The following ADNP2 variants were observed in gnomAD, a reference collection of about 807,000 sequenced individuals.
The protein encoded by ADNP2 is ADNP homeobox 2, also known as activity-dependent neuroprotector homeobox protein 2.
Under a neutral mutation model 16.4 loss-of-function variants are expected in ADNP2, and 8 were observed. The ratio of observed to expected loss-of-function variants is 0.49; its 90% confidence interval spans 0.29 to 0.88. The LOEUF is 0.88. ADNP2 is among the 40% of genes least tolerant of loss of function. The probability of loss-of-function intolerance (pLI) is 0.09; values close to 1 mark genes in which losing one functional copy is unlikely to be tolerated. For synonymous variants in ADNP2, 637 were observed against 545.8 expected (o/e 1.17, Z -2.33); for missense variants, 1,397 against 1,395.1 (o/e 1.00, Z -0.02).
Position 80,138,550 on chromosome 18 carries a change from A to G in ADNP2, c.3137A>G (p.Tyr1046Cys), listed in dbSNP as rs2052559379. 1 of 1,613,448 alleles carries G rather than the reference A, an allele frequency of 6.2e-7. No homozygotes were observed. Among genetic ancestry groups the G allele is most frequent in the Admixed American group, 1.7e-5 (1 of 59,898 alleles). ...ATTTTAGCATTAGATCCTAAAAAAT[A>G]TGAAGGCCGTTCTTATGAAGAAAAG... ...LQILALDPKK[Y>C]EGRSYEEKKQ... Residue 1046 changes from tyrosine (Y) to cysteine (C), a missense_variant, in exon 4 of 4, where the codon TAT (tyrosine) becomes TGT (cysteine). Physicochemically the swap from Tyr to Cys is radical, Grantham distance 194. This residue lies in a region of ADNP2 where 611 missense variants were observed against 648.7 expected (regional missense o/e 0.94). Transcript: ENST00000262198.
At position 80,139,764 on chromosome 18, in the gene ADNP2, T is replaced by C. The variant is rs2052568913; in HGVS notation, c.*955T>C. On this transcript the variant is annotated 3_prime_UTR_variant, in exon 4 of 4. Coordinates refer to ENST00000262198, the MANE Select transcript of ADNP2 (RefSeq NM_014913.4). ...GTGAAAACTAACTTAAATTTCAGCA[T>C]AGGGTTTCAGGGGACATGGCGAAGT... The C allele has an allele frequency of 6.6e-6, 1 of 152,300 alleles. No individual in the cohort carries two copies. Among genetic ancestry groups the C allele is most frequent in the Admixed American group, 6.6e-5 (1 of 15,266 alleles). The allele number at this position is 152,300 out of a possible 1,614,324, so 9.4% of individuals were successfully genotyped here. A position where few individuals can be genotyped will look rare whatever the true frequency, so the allele number is the denominator to read the frequency against.
intron 2 of ADNP2, among the ~76,000 whole-genome samples, chr18:80,119,904 A>G (rs776347493): frequency 1.3e-5 from 2 of 152,154 alleles, no homozygotes; most frequent in African/African-American, 4.8e-5. Flanking sequence ...AGTGCATTCA[A>G]CCACCTCCCC....
At chr18:80,114,425 T>C (rs1338213228) in intron 1 of ADNP2, among the ~76,000 whole-genome samples, 10 of 152,222 alleles carry the variant, frequency 6.6e-5, no homozygotes, top group Non-Finnish European at 1.5e-5. Context: ...TTTTATAGCC[T>C]ACACATTTAA....
In ADNP2 at chr18:80,136,867, G is replaced by T. The variant is rs759759077; in HGVS notation, c.1454G>T (p.Gly485Val). The change falls in exon 4 of 4, where the codon GGA becomes GTA. Residue 485 changes from glycine to valine, a missense_variant. Gly to Val is a moderately radical substitution (Grantham distance 109). This residue lies in a region of ADNP2 where 777 missense variants were observed against 719.4 expected (regional missense o/e 1.08). Coordinates refer to ENST00000262198, the MANE Select transcript of ADNP2 (RefSeq NM_014913.4). ...VLPTGQMVQS[G>V]VLPVGQTAPS... ...CCTACTGGCCAGATGGTCCAGTCAG[G>T]AGTTCTCCCTGTGGGCCAGACAGCT... 1.9e-6 allele frequency: 3 copies of T among 1,614,124 alleles called. No individual in the cohort carries two copies. The highest frequency in any genetic ancestry group is 4.5e-5 in the East Asian group (2 of 44,872).
intron 1 of ADNP2, 83 bp from the exon 2 acceptor site, chr18:80,117,447 T>C (rs1599805683): frequency 2.7e-6 from 2 of 752,288 alleles, no homozygotes; most frequent in East Asian, 6.2e-5. Context: ...CTATTCCTAG[T>C]GTTTTACCAA....
intron 2 of ADNP2, among the ~76,000 whole-genome samples, chr18:80,124,636 A>G (rs1293924861): frequency 6.6e-6 from 1 of 152,054 alleles, no homozygotes; most frequent in Non-Finnish European, 1.5e-5. Context: ...TTATGCAGGC[A>G]TGATTGATTA....
Position 80,136,302 on chromosome 18 carries a change from C to A in ADNP2, c.889C>A (p.Pro297Thr), listed in dbSNP as rs767752020. ...AQPPCFHLAL[P>T]QNSPSPAAGQ... ...GCCTCCTTGCTTCCATCTTGCTTTGCCACAGAACAGTCCAAGCCCAGCCGC... is the reference window on the plus strand; with the variant it reads ...GCCTCCTTGCTTCCATCTTGCTTTGACACAGAACAGTCCAAGCCCAGCCGC... Residue 297 changes from proline to threonine, a missense_variant, in exon 4 of 4, where the codon CCA becomes ACA. By Grantham distance (38) the Pro-to-Thr change is conservative. Around this residue, in one of 3 missense-constraint regions of ADNP2, gnomAD observed 777 missense variants for 719.4 expected, o/e 1.08. Coordinates refer to ENST00000262198, the MANE Select transcript of ADNP2 (RefSeq NM_014913.4). 1.9e-6 allele frequency: 3 copies of A among 1,613,828 alleles called. No individual in the cohort carries two copies. Among genetic ancestry groups the A allele is most frequent in the Non-Finnish European group, 1.7e-6 (2 of 1,179,716 alleles).
At chr18:80,126,063 G>T (rs2052456584) in intron 2 of ADNP2, among the ~76,000 whole-genome samples, 1 of 151,706 alleles carries the variant, frequency 6.6e-6, no homozygotes, top group South Asian at 2.1e-4. Flanking sequence ...TTTTTTACTT[G>T]TCTCATCTGT....
rs560314887 is a variant in ADNP2, at chr18:80,124,103, G to A, written c.108+6453G>A. Among the ~76,000 whole-genome samples the A allele has an allele frequency of 1.7e-3, 253 of 152,262 alleles. 1 individual carries two copies. Among genetic ancestry groups the A allele is most frequent in the African/African-American group, 5.9e-3 (244 of 41,540 alleles). ...TTTTCTCTGTTAGGAAGTTTTTGAT[G>A]AATTCAGTCTCTTGTTACAGAAATT... is the stretch of plus-strand genomic sequence containing the variant. On this transcript the variant is annotated intron_variant, in intron 2 of 3. Transcript: ENST00000262198.
chr18:80,126,324 A>C (rs756000123), intron 2 of ADNP2, among the ~76,000 whole-genome samples: 5 of 151,978 alleles, frequency 3.3e-5, no homozygotes, highest in Non-Finnish European at 7.4e-5. Flanking sequence ...TTTATTTTAA[A>C]CTGTAAAAAA....
Position 80,138,016 on chromosome 18 carries a change from G to A in ADNP2, c.2603G>A (p.Gly868Glu). The A allele has an allele frequency of 6.2e-7, 1 of 1,613,602 alleles. No individual in the cohort carries two copies. The highest frequency in any genetic ancestry group is 1.3e-5 in the African/African-American group (1 of 75,050). ...AGGCCTCAGGCTGAGGGCACCCCCG[G>A]GAGCACCGGCAAGCGAGTGTCCACC... ...KVRPQAEGTP[G>E]STGKRVSTCP... The change falls in exon 4 of 4, where the codon GGG (glycine) becomes GAG (glutamate). Residue 868 changes from glycine (G) to glutamate (E), a missense_variant. Coordinates refer to ENST00000262198, the MANE Select transcript of ADNP2 (RefSeq NM_014913.4).
At chr18:80,111,606 G>A (rs1457763198) in intron 1 of ADNP2, among the ~76,000 whole-genome samples, 1 of 142,362 alleles carries the variant, frequency 7.0e-6, no homozygotes, top group Non-Finnish European at 1.5e-5. Flanking sequence ...TTGCCCTGTC[G>A]CCCAGGCTGG....
Position 80,135,794 on chromosome 18 carries a change from C to G in ADNP2, c.381C>G (p.Phe127Leu). Residue 127 changes from phenylalanine to leucine, a missense_variant, in exon 4 of 4, where the codon TTC (phenylalanine) becomes TTG (leucine). Coordinates refer to ENST00000262198, the MANE Select transcript of ADNP2 (RefSeq NM_014913.4). ...PKVVGRHFRM[F>L]HAPVRKVQNY... ...TTGTGGGAAGGCACTTCAGAATGTT[C>G]CATGCACCTGTCCGGAAAGTCCAGA... is the stretch of plus-strand genomic sequence containing the variant. 6.2e-7 allele frequency: 1 copy of G among 1,614,124 alleles called. No homozygotes were observed. The highest frequency in any genetic ancestry group is 8.5e-7 in the Non-Finnish European group (1 of 1,180,022).
chr18:80,136,605 C>T lies in ADNP2; in HGVS notation c.1192C>T (p.Pro398Ser). 6.2e-7 allele frequency: 1 copy of T among 1,614,214 alleles called. No homozygotes were observed. The highest frequency in any genetic ancestry group is 8.5e-7 in the Non-Finnish European group (1 of 1,180,036). ...SVLPINQTVR[P>S]GVLPLTQPVG... is the part of the protein sequence containing the mutation. ...CCTCCCCATAAATCAGACTGTTCGC[C>T]CTGGGGTTTTACCCCTCACCCAGCC... The change falls in exon 4 of 4, where the codon CCT becomes TCT. Residue 398 changes from proline to serine, a missense_variant. Pro to Ser is a moderately conservative substitution (Grantham distance 74). Around this residue, in one of 3 missense-constraint regions of ADNP2, gnomAD observed 777 missense variants for 719.4 expected, o/e 1.08. Transcript: ENST00000262198.
At position 80,137,282 on chromosome 18, in the gene ADNP2, T is replaced by C; in HGVS notation, c.1869T>C (p.Thr623=). ...ACACGCTGGCCCCCGTGTCTGTCAC[T>C]CTGCCGGTTCCCCCTGGAGGCCTTG... ...PTYTLAPVSV[T]LPVPPGGLAT... The change falls in exon 4 of 4, where the codon ACT becomes ACC. Residue 623 remains threonine, a synonymous_variant. Coordinates refer to ENST00000262198, the MANE Select transcript of ADNP2 (RefSeq NM_014913.4). This position sits in a 1 kb window ranked among gnomAD's most constrained non-coding sequence, Gnocchi z 4.2. 1 of 1,614,152 alleles carries C rather than the reference T, an allele frequency of 6.2e-7. No homozygotes were observed. Among genetic ancestry groups the C allele is most frequent in the Non-Finnish European group, 8.5e-7 (1 of 1,180,040 alleles).
At chr18:80,134,714 T>G (rs931818914) in intron 3 of ADNP2, among the ~76,000 whole-genome samples, 2 of 152,192 alleles carry the variant, frequency 1.3e-5, no homozygotes, top group African/African-American at 2.4e-5. Context: ...GCGAACTTGT[T>G]AAATTTCCCA....
At chr18:80,110,286 C>T (rs1250543949) in intron 1 of ADNP2, among the ~76,000 whole-genome samples, 3 of 152,252 alleles carry the variant, frequency 2.0e-5, no homozygotes, top group East Asian at 1.9e-4. Flanking sequence ...TGTACAGATG[C>T]AGAATGAGAA....
At chr18:80,109,499 C>G (rs2052342337) in intron 1 of ADNP2, 27 bp downstream of exon 1, 1 of 147,794 alleles carries the variant, frequency 6.8e-6, no homozygotes, top group African/African-American at 2.4e-5. Context: ...CCGGCGCGGG[C>G]CCGCGCGGCG....
intron 2 of ADNP2, 152 bp from the exon 3 acceptor site, chr18:80,132,951 C>A: frequency 3.3e-6 from 2 of 609,450 alleles, no homozygotes; most frequent in East Asian, 6.1e-5. Flanking sequence ...GACCTCCTGG[C>A]CTCAAGTGAT....
Sources: gnomAD v4.1 joint callset for allele counts (sites outside exome capture counted in the v4.1 genomes callset) on GRCh38, gnomAD v4.1.1 for gene constraint, gnomAD v4.1.1 regional missense constraint, Gnocchi (gnomAD v3.1) non-coding constraint, MANE v1.5 for transcripts, NCBI Gene and HGNC (gene_info 2026-07-23, HGNC 2026-07-21) for gene names.